CNTNAP2: variants seen among roughly 807,000 people sequenced by gnomAD.
The protein encoded by CNTNAP2 is contactin-associated protein-like 2.
Under a neutral mutation model 155.2 loss-of-function variants are expected in CNTNAP2, and 98 were observed. That is an observed-to-expected ratio of 0.63 (90% CI 0.54 to 0.75). The LOEUF (loss-of-function observed/expected upper bound fraction) is 0.75, where lower values mean the gene tolerates loss of function less well. CNTNAP2 is among the 30% of genes least tolerant of loss of function. The pLI, the probability that CNTNAP2 is intolerant of heterozygous loss-of-function variation, is 0.00. For missense variants in CNTNAP2, 1,727 were observed against 1,688.1 expected (o/e 1.02, Z -0.40); for synonymous variants, 651 against 631.2 (o/e 1.03, Z -0.47).
chr7:146,738,606 G>A (rs1044870991), intron 1 of CNTNAP2, among the ~76,000 whole-genome samples: 3 of 151,562 alleles, frequency 2.0e-5, no homozygotes, highest in African/African-American at 7.3e-5. Context: ...ATATAAAAAT[G>A]CTTTCTTCTA....
At chr7:147,652,005 T>C (rs1795457363) in intron 13 of CNTNAP2, among the ~76,000 whole-genome samples, 1 of 152,172 alleles carries the variant, frequency 6.6e-6, no homozygotes, top group Non-Finnish European at 1.5e-5. Flanking sequence ...ATAAAGGTAA[T>C]GTTAAAGATG....
At chr7:146,792,724 G>T (rs1802696463) in intron 2 of CNTNAP2, among the ~76,000 whole-genome samples, 1 of 152,166 alleles carries the variant, frequency 6.6e-6, no homozygotes, top group Non-Finnish European at 1.5e-5. Flanking sequence ...AGGCACTGTT[G>T]GTCTGAAGCA....
intron 13 of CNTNAP2, among the ~76,000 whole-genome samples, chr7:147,839,939 T>TACACACACAC (rs376480999): frequency 0.063 from 9,456 of 149,742 alleles, 320 homozygotes; most frequent in East Asian, 0.12. Flanking sequence ...TATATATGTA[T>TACACACACAC]ACACACACAC....
intron 23 of CNTNAP2, among the ~76,000 whole-genome samples, chr7:148,412,047 A>T (rs951124260): frequency 5.9e-5 from 9 of 152,058 alleles, no homozygotes; most frequent in South Asian, 2.1e-4. Context: ...GGCTCAAGCG[A>T]TTCTCCTGCC....
At chr7:146,920,673 A>G (rs1042840738) in intron 3 of CNTNAP2, among the ~76,000 whole-genome samples, 12 of 152,210 alleles carry the variant, frequency 7.9e-5, no homozygotes, top group African/African-American at 2.7e-4. Context: ...TAATAAAAAT[A>G]AAAAGTATAG....
At chr7:147,679,526 G>A (rs1175885454) in intron 13 of CNTNAP2, among the ~76,000 whole-genome samples, 2 of 151,880 alleles carry the variant, frequency 1.3e-5, no homozygotes, top group African/African-American at 4.8e-5. Context: ...CGTTGTAAAT[G>A]TGTGTTTATT....
rs141531218 is a variant in CNTNAP2 at position 147,986,938 on chromosome 7, A to C, written c.2383+8949A>C. Among the ~76,000 whole-genome samples the C allele has an allele frequency of 5.2e-3, 792 of 150,940 alleles. 8 individuals are homozygous for C. Among genetic ancestry groups the C allele is most frequent in the African/African-American group, 0.018 (723 of 41,110 alleles). ...TTAACTTTTTAGGGTTGATAATAGA[A>C]GGCATGAAAAAAAAAACAAAAGCAA... On this transcript the variant is annotated intron_variant, in intron 15 of 23. Transcript: ENST00000361727.
chr7:146,215,170 CAGTA>C (rs1799094366), intron 1 of CNTNAP2, among the ~76,000 whole-genome samples: 2 of 152,158 alleles, frequency 1.3e-5, no homozygotes, highest in Admixed American at 6.5e-5. Context: ...AAAATTTTGA[CAGTA>C]AGAGGAAACT....
At chr7:148,176,211 C>CTTTTT (rs1188113801) in intron 18 of CNTNAP2, among the ~76,000 whole-genome samples, 10 of 92,802 alleles carry the variant, frequency 1.1e-4, no homozygotes, top group East Asian at 3.9e-4. Flanking sequence ...CTTTCTTTCT[C>CTTTTT]TTTTTTTTTT....
intron 3 of CNTNAP2, among the ~76,000 whole-genome samples, chr7:146,926,261 G>A (rs1443030033): frequency 6.6e-6 from 1 of 152,040 alleles, no homozygotes; most frequent in Non-Finnish European, 1.5e-5. Context: ...TTGTGTGTGT[G>A]TGTGTGTGAT....
In CNTNAP2 at chr7:148,401,481, C is replaced by A. The variant is rs1032239309; in HGVS notation, c.3716-7910C>A. On this transcript the variant is annotated intron_variant, in intron 22 of 23. Transcript: ENST00000361727. The stretch of plus-strand genomic sequence containing the variant: ...AACATTAGGACTGGAACAATTTGCC[C>A]ACCTGAGAAATAACAAGACATTTAT... Among the ~76,000 whole-genome samples, 10 of 152,146 alleles carry A rather than the reference C, an allele frequency of 6.6e-5. No homozygotes were observed. In the East Asian group the frequency reaches 1.9e-3, roughly 29 times the overall value.
At chr7:148,120,059 G>T (rs894473152) in intron 16 of CNTNAP2, among the ~76,000 whole-genome samples, 1 of 151,268 alleles carries the variant, frequency 6.6e-6, no homozygotes, top group East Asian at 1.9e-4. Flanking sequence ...ATTTTAGAAA[G>T]ATTTTATGGC....
At chr7:148,156,937 G>A (rs1805410055) in intron 17 of CNTNAP2, among the ~76,000 whole-genome samples, 1 of 152,188 alleles carries the variant, frequency 6.6e-6, no homozygotes, top group Non-Finnish European at 1.5e-5. Flanking sequence ...AGCTGAGGCA[G>A]GAGAATAGGG....
chr7:146,865,545 C>G (rs1795187981), intron 3 of CNTNAP2, among the ~76,000 whole-genome samples: 1 of 152,002 alleles, frequency 6.6e-6, no homozygotes, highest in Non-Finnish European at 1.5e-5. Flanking sequence ...TGATTAAATG[C>G]AGAAGAGAAT....
At chr7:147,381,501 ATTAT>A (rs1248925872) in intron 9 of CNTNAP2, among the ~76,000 whole-genome samples, 20 of 152,174 alleles carry the variant, frequency 1.3e-4, no homozygotes, top group South Asian at 2.1e-4. Flanking sequence ...TGATGTAAAA[ATTAT>A]TTATTTTATA....
Position 146,665,788 on chromosome 7 carries a change from A to AAAAAAAAAAAAAAAAAAAAAAAAAAC in CNTNAP2, c.98-108473_98-108472insAAAAAAAAAAAAAAACAAAAAAAAAA, listed in dbSNP as rs1328734569. 2.5e-3 allele frequency among the ~76,000 whole-genome samples: 357 copies of AAAAAAAAAAAAAAAAAAAAAAAAAAC among 141,988 alleles called. 7 individuals are homozygous for AAAAAAAAAAAAAAAAAAAAAAAAAAC. The highest frequency in any genetic ancestry group is 9.9e-3 in the East Asian group (44 of 4,440). The allele number at this position is 141,988 out of a possible 152,430, so 93.1% of individuals were successfully genotyped here. A position where few individuals can be genotyped will look rare whatever the true frequency, so the allele number is the denominator to read the frequency against. ...GGAGTGAGACTCTGTCTCATTAAAA[A>AAAAAAAAAAAAAAAAAAAAAAAAAAC]AAAAAAAAAATACATTTTGTAACTG... On this transcript the variant is annotated intron_variant, in intron 1 of 23. Transcript: ENST00000361727.
intron 12 of CNTNAP2, among the ~76,000 whole-genome samples, chr7:147,578,549 G>A (rs902304674): frequency 6.6e-6 from 1 of 152,034 alleles, no homozygotes; most frequent in South Asian, 2.1e-4. Context: ...TACATGCAAA[G>A]GGTTTCTTTA....
chr7:147,357,495 C>T (rs892500340), intron 9 of CNTNAP2, among the ~76,000 whole-genome samples: 1 of 152,060 alleles, frequency 6.6e-6, no homozygotes, highest in Non-Finnish European at 1.5e-5. Context: ...CATGCAGCAG[C>T]AGTCGGTACT....
intron 21 of CNTNAP2, among the ~76,000 whole-genome samples, chr7:148,349,522 C>T (rs1798389047): frequency 6.6e-6 from 1 of 151,580 alleles, no homozygotes; most frequent in Non-Finnish European, 1.5e-5. Flanking sequence ...CTGCCTCAGT[C>T]TCCCGAGTAG....
Sources: allele counts gnomAD v4.1 joint callset (sites outside exome capture counted in the v4.1 genomes callset), GRCh38; gene constraint gnomAD v4.1.1; transcripts MANE v1.5; gene names NCBI Gene and HGNC (gene_info 2026-07-23, HGNC 2026-07-21).